The following SMC3 variants were observed in gnomAD, a reference collection of about 807,000 sequenced individuals.
SMC3 encodes the protein structural maintenance of chromosomes protein 3.
A neutral mutation model predicts 171.8 loss-of-function variants in SMC3; 20 were observed. That is an observed-to-expected ratio of 0.12 (90% confidence interval 0.08 to 0.17). The LOEUF is 0.17. Among genes scored for constraint, SMC3 ranks in the 10% least tolerant of loss-of-function variants. SMC3 has a pLI of 1.00. For synonymous variants in SMC3, 464 were observed against 451.1 expected (o/e 1.03, Z -0.36); for missense variants, 543 against 1,420.4 (o/e 0.38, Z 9.93).
chr10:110,601,203 C>A, intron 23 of SMC3, 73 bp downstream of exon 23: 3 of 1,052,150 alleles, frequency 2.9e-6, no homozygotes, highest in Non-Finnish European at 4.5e-6. Context: ...ATGAAATGTC[C>A]AAATAGGCAG....
At chr10:110,589,503 T>G in intron 13 of SMC3, 102 bp from the exon 14 acceptor site, 2 of 749,768 alleles carry the variant, frequency 2.7e-6, no homozygotes, top group Admixed American at 2.2e-5. Flanking sequence ...CTCCCTCACC[T>G]TTTGTCCGCC....
Position 110,593,705 on chromosome 10 carries a change from C to T in SMC3, c.1963+482C>T, listed in dbSNP as rs193128309. 4.3e-3 allele frequency among the ~76,000 whole-genome samples: 659 copies of T among 151,496 alleles called. 6 individuals carry two copies. The highest frequency in any genetic ancestry group is 0.015 in the African/African-American group (624 of 41,316). On this transcript the variant is annotated intron_variant, in intron 18 of 28. Transcript: ENST00000361804. The stretch of plus-strand genomic sequence containing the variant: ...GAAAAATTCATCCTTTGCCTTTGGC[C>T]GGGCATGGTGGCTCACATCTATATA...
chr10:110,573,375 G>C lies in SMC3; in HGVS notation c.92-332G>C, dbSNP rs140393757. ...ATCTTTAAATTGTTAAACATATATA[G>C]TTAAAATAGAATTATATATCCATTG... On this transcript the variant is annotated intron_variant, in intron 2 of 28. Coordinates refer to ENST00000361804, the MANE Select transcript of SMC3 (RefSeq NM_005445.4). 4.8e-3 allele frequency among the ~76,000 whole-genome samples: 730 copies of C among 151,990 alleles called. 7 individuals are homozygous for C. Among genetic ancestry groups the C allele is most frequent in the African/African-American group, 0.016 (654 of 41,532 alleles).
chr10:110,590,459 C>A lies in SMC3; in HGVS notation c.1557C>A (p.Phe519Leu), dbSNP rs1246875158. 1 of 1,614,024 alleles carries A rather than the reference C, an allele frequency of 6.2e-7. No individual in the cohort carries two copies. The highest frequency in any genetic ancestry group is 1.7e-5 in the Admixed American group (1 of 60,028). ...IDSINKVLDH[F>L]RRKGINQHVQ... The stretch of plus-strand genomic sequence containing the variant: ...GCATAAACAAAGTGCTAGACCACTT[C>A]CGTCGAAAAGGAATAAACCAGCATG... The change falls in exon 16 of 29, where the codon TTC (phenylalanine) becomes TTA (leucine). Residue 519 changes from phenylalanine to leucine, a missense_variant. Coordinates refer to ENST00000361804, the MANE Select transcript of SMC3 (RefSeq NM_005445.4).
At chr10:110,589,405 C>T (rs954323794) in intron 13 of SMC3, among the ~76,000 whole-genome samples, 200 bp from the exon 14 acceptor site, 6 of 151,976 alleles carry the variant, frequency 3.9e-5, no homozygotes, top group African/African-American at 1.5e-4. Context: ...ATCTGTAAAA[C>T]ACCACACAGT....
intron 28 of SMC3, 49 bp from the exon 29 acceptor site, chr10:110,604,182 A>G (rs908096747): frequency 1.7e-6 from 2 of 1,152,936 alleles, no homozygotes; most frequent in African/African-American, 1.5e-5. Context: ...TATACAATGT[A>G]AACACTGATG....
chr10:110,572,068 A>G (rs1013010374), intron 2 of SMC3, among the ~76,000 whole-genome samples: 1 of 152,238 alleles, frequency 6.6e-6, no homozygotes, highest in Non-Finnish European at 1.5e-5. Flanking sequence ...TTTCAAATTT[A>G]CAGAAAAATT....
chr10:110,592,403 G>A (rs946191588), intron 17 of SMC3, among the ~76,000 whole-genome samples: 7 of 152,194 alleles, frequency 4.6e-5, no homozygotes, highest in Non-Finnish European at 7.3e-5. Flanking sequence ...GACTTCTGGG[G>A]TGTCAGCAGT....
chr10:110,592,440 G>A (rs886919979), intron 17 of SMC3, among the ~76,000 whole-genome samples: 7 of 151,894 alleles, frequency 4.6e-5, no homozygotes, highest in African/African-American at 1.5e-4. Context: ...TTATGTTGGT[G>A]TTCTATTAAT....
chr10:110,586,201 C>G (rs978984401), intron 13 of SMC3, among the ~76,000 whole-genome samples: 1 of 152,134 alleles, frequency 6.6e-6, no homozygotes, highest in Non-Finnish European at 1.5e-5. Flanking sequence ...TTACTTTGTA[C>G]TCATATTCTC....
intron 13 of SMC3, among the ~76,000 whole-genome samples, chr10:110,586,460 T>G (rs1228141077): frequency 3.9e-5 from 6 of 152,174 alleles, no homozygotes; most frequent in Admixed American, 3.9e-4. Flanking sequence ...AAATGAGTTT[T>G]CTCTTGAGTT....
intron 4 of SMC3, among the ~76,000 whole-genome samples, chr10:110,576,055 G>T (rs896587881): frequency 6.6e-6 from 1 of 151,988 alleles, no homozygotes; most frequent in Non-Finnish European, 1.5e-5. Flanking sequence ...CTTACAGCGG[G>T]GTTATGTCCT....
chr10:110,570,124 T>C (rs189222655), intron 2 of SMC3, among the ~76,000 whole-genome samples: 117 of 152,314 alleles, frequency 7.7e-4, no homozygotes, highest in African/African-American at 2.4e-3. Context: ...TCTTCCTGGC[T>C]TATGGACAGC....
At chr10:110,569,484 G>T (rs191131377) in intron 2 of SMC3, among the ~76,000 whole-genome samples, 1 of 152,244 alleles carries the variant, frequency 6.6e-6, no homozygotes, top group Admixed American at 6.5e-5. Context: ...CAGTTATAGG[G>T]GGGTGGGGGC....
At chr10:110,601,450 A>T (rs1861385907) in intron 23 of SMC3, among the ~76,000 whole-genome samples, 187 bp from the exon 24 acceptor site, 1 of 152,228 alleles carries the variant, frequency 6.6e-6, no homozygotes, top group Non-Finnish European at 1.5e-5. Context: ...TGAAAATTAT[A>T]TATTTGAGTG....
intron 23 of SMC3, 94 bp downstream of exon 23, chr10:110,601,224 T>C: frequency 1.1e-6 from 1 of 916,894 alleles, no homozygotes; most frequent in Non-Finnish European, 1.8e-6. Context: ...AAGCATATGC[T>C]AATGATTTTT....
intron 13 of SMC3, among the ~76,000 whole-genome samples, chr10:110,588,120 T>C (rs1158525357): frequency 6.6e-6 from 1 of 152,174 alleles, no homozygotes; most frequent in Non-Finnish European, 1.5e-5. Flanking sequence ...CCTCCCCCAG[T>C]AGCTGGGACT....
Position 110,599,790 on chromosome 10 carries a change from A to G in SMC3, c.2405A>G (p.Asp802Gly). Residue 802 changes from aspartate (D) to glycine (G), a missense_variant, in exon 21 of 29, where the codon GAT becomes GGT. By Grantham distance (94) the Asp-to-Gly change is moderately conservative. This residue lies in a region of SMC3 where 218 missense variants were observed against 509.6 expected (regional missense o/e 0.43). Coordinates refer to ENST00000361804, the MANE Select transcript of SMC3 (RefSeq NM_005445.4). ...EDQKRVDALNDEIRQLQQENR... is the reference protein window; with the variant it reads ...EDQKRVDALNGEIRQLQQENR... ...CAGAAGAGAGTAGATGCACTGAATGATGAGATTCGTCAACTTCAGCAGGTA... is the reference window on the plus strand; with the variant it reads ...CAGAAGAGAGTAGATGCACTGAATGGTGAGATTCGTCAACTTCAGCAGGTA... 6.2e-7 allele frequency: 1 copy of G among 1,614,120 alleles called. No homozygotes were observed. Among genetic ancestry groups the G allele is most frequent in the Non-Finnish European group, 8.5e-7 (1 of 1,179,996 alleles).
intron 13 of SMC3, among the ~76,000 whole-genome samples, chr10:110,588,554 G>C (rs1861159911): frequency 6.6e-6 from 1 of 152,158 alleles, no homozygotes; most frequent in Admixed American, 6.5e-5. Context: ...TATTTTGCTT[G>C]TCTTATTGCT....
Sources: gnomAD v4.1 joint callset for allele counts (sites outside exome capture counted in the v4.1 genomes callset) on GRCh38, gnomAD v4.1.1 for gene constraint, gnomAD v4.1.1 regional missense constraint, MANE v1.5 for transcripts, NCBI Gene and HGNC (gene_info 2026-07-23, HGNC 2026-07-21) for gene names.